The following HHAT variants were observed in gnomAD, a reference collection of about 807,000 sequenced individuals.
HHAT encodes the protein protein-cysteine N-palmitoyltransferase HHAT.
In HHAT, 47 loss-of-function variants were observed where a neutral mutation model predicts 70.8. The ratio of observed to expected loss-of-function variants is 0.66; its 90% CI spans 0.53 to 0.85. The LOEUF is 0.85. Among genes scored for constraint, HHAT ranks in the 40% least tolerant of loss-of-function variants. The pLI is 0.00. For missense variants in HHAT, 609 were observed against 604.8 expected (o/e 1.01, Z -0.07); for synonymous variants, 228 against 247.6 (o/e 0.92, Z 0.74).
At chr1:210,439,914 C>T (rs186417420) in intron 7 of HHAT, among the ~76,000 whole-genome samples, 1 of 151,780 alleles carries the variant, frequency 6.6e-6, no homozygotes, top group Non-Finnish European at 1.5e-5. Context: ...AGATTGGTAG[C>T]CCAGTCTATA....
intron 9 of HHAT, among the ~76,000 whole-genome samples, chr1:210,532,664 G>A (rs546387432): frequency 2.6e-5 from 4 of 152,260 alleles, no homozygotes; most frequent in South Asian, 2.1e-4. Context: ...TTATGTTTCC[G>A]TCGGCACCAT....
intron 3 of HHAT, among the ~76,000 whole-genome samples, chr1:210,377,656 C>T (rs1484894187): frequency 4.6e-5 from 7 of 152,208 alleles, no homozygotes; most frequent in Non-Finnish European, 7.4e-5. Context: ...TGAAGATACG[C>T]AAAATAACTT....
chr1:210,557,839 C>T (rs114737721), intron 9 of HHAT, among the ~76,000 whole-genome samples: 2 of 152,106 alleles, frequency 1.3e-5, no homozygotes, highest in Non-Finnish European at 2.9e-5. Flanking sequence ...CAGCCAAACC[C>T]TATCACCTGT....
chr1:210,444,343 G>T (rs1221037333), intron 7 of HHAT, among the ~76,000 whole-genome samples: 3 of 140,508 alleles, frequency 2.1e-5, no homozygotes, highest in Admixed American at 7.1e-5. Context: ...TTTGGTATCA[G>T]AATGATGCTG....
chr1:210,608,603 T>A (rs1044037221), intron 10 of HHAT, among the ~76,000 whole-genome samples: 10 of 152,168 alleles, frequency 6.6e-5, no homozygotes, highest in African/African-American at 2.4e-4. Flanking sequence ...TTTGGTATTA[T>A]TATTGGAATT....
At chr1:210,540,523 GCTCTCTCT>G (rs3067934) in intron 9 of HHAT, among the ~76,000 whole-genome samples, 9,861 of 147,442 alleles carry the variant, frequency 0.067, 646 homozygotes, top group East Asian at 0.3. Flanking sequence ...ACAAACACAC[GCTCTCTCT>G]CTCTCTCTAA....
At chr1:210,577,146 C>T (rs1158456481) in intron 9 of HHAT, among the ~76,000 whole-genome samples, 1 of 150,586 alleles carries the variant, frequency 6.6e-6, no homozygotes, top group Non-Finnish European at 1.5e-5. Flanking sequence ...AATGTTATTT[C>T]TTCCTTTCCA....
chr1:210,464,760 C>A, intron 8 of HHAT, 105 bp downstream of exon 8: 2 of 1,160,630 alleles, frequency 1.7e-6, no homozygotes, highest in Non-Finnish European at 1.2e-6. Flanking sequence ...CTGTCTCTCA[C>A]TCAAGCTGCA....
At chr1:210,478,972 G>A (rs149064080) in intron 8 of HHAT, among the ~76,000 whole-genome samples, 16 of 151,370 alleles carry the variant, frequency 1.1e-4, no homozygotes, top group East Asian at 4.0e-4. Flanking sequence ...CATCTGACCC[G>A]TGTGGGCTTA....
At chr1:210,445,145 A>G (rs1268307260) in intron 7 of HHAT, among the ~76,000 whole-genome samples, 2 of 152,174 alleles carry the variant, frequency 1.3e-5, no homozygotes, top group African/African-American at 2.4e-5. Flanking sequence ...ACCAACACAC[A>G]AACGAGTTTC....
intron 11 of HHAT, among the ~76,000 whole-genome samples, chr1:210,653,546 A>T (rs1316831520): frequency 6.6e-6 from 1 of 151,392 alleles, no homozygotes; most frequent in Non-Finnish European, 1.5e-5. Flanking sequence ...AAAAAAAAAA[A>T]GTTAAATACC....
chr1:210,506,037 C>G (rs12121566), intron 8 of HHAT, among the ~76,000 whole-genome samples: 3 of 151,928 alleles, frequency 2.0e-5, no homozygotes, highest in Non-Finnish European at 4.4e-5. Context: ...GCCATGGACA[C>G]GGTGTGTGGG....
At chr1:210,487,536 T>C (rs2094491580) in intron 8 of HHAT, among the ~76,000 whole-genome samples, 1 of 152,146 alleles carries the variant, frequency 6.6e-6, no homozygotes. Flanking sequence ...CATGTGCATG[T>C]TTTAATATGT....
chr1:210,342,882 T>G (rs999494878), intron 1 of HHAT, among the ~76,000 whole-genome samples: 2 of 152,194 alleles, frequency 1.3e-5, no homozygotes, highest in African/African-American at 4.8e-5. Context: ...CATAAATCCC[T>G]TAAGACATAT....
chr1:210,656,103 T>C (rs1574040248), intron 11 of HHAT, among the ~76,000 whole-genome samples: 1 of 152,178 alleles, frequency 6.6e-6, no homozygotes, highest in East Asian at 1.9e-4. Context: ...GTAGCCAAAA[T>C]TCATCTCCTG....
intron 8 of HHAT, among the ~76,000 whole-genome samples, chr1:210,509,624 G>A (rs1056208281): frequency 6.6e-6 from 1 of 152,108 alleles, no homozygotes; most frequent in Non-Finnish European, 1.5e-5. Context: ...GTGTAGAATG[G>A]ATGAGTGCCT....
intron 9 of HHAT, among the ~76,000 whole-genome samples, chr1:210,569,487 T>A (rs1319316181): frequency 6.6e-6 from 1 of 151,994 alleles, no homozygotes; most frequent in African/African-American, 2.4e-5. Flanking sequence ...CATGTCTTTT[T>A]GTAGTCTACC....
At chr1:210,354,104 C>T (rs1441225886) in intron 2 of HHAT, among the ~76,000 whole-genome samples, 1 of 151,726 alleles carries the variant, frequency 6.6e-6, no homozygotes, top group Non-Finnish European at 1.5e-5. Context: ...CTGTACTACT[C>T]TCAGCAAGTT....
intron 9 of HHAT, among the ~76,000 whole-genome samples, chr1:210,581,702 T>C (rs1659298917): frequency 6.6e-6 from 1 of 152,266 alleles, no homozygotes; most frequent in Admixed American, 6.5e-5. Flanking sequence ...TCAGCATCTT[T>C]CAATGCTCTG....
Sources: allele counts gnomAD v4.1 joint callset (sites outside exome capture counted in the v4.1 genomes callset), GRCh38; gene constraint gnomAD v4.1.1; transcripts MANE v1.5; gene names NCBI Gene and HGNC (gene_info 2026-07-23, HGNC 2026-07-21).